The following CHCHD6 variants were observed in gnomAD, a reference collection of about 807,000 sequenced individuals.
CHCHD6 encodes the protein coiled-coil-helix-coiled-coil-helix domain containing 6, also known as MICOS complex subunit MIC25.
In CHCHD6, 28 loss-of-function variants were observed where a neutral mutation model predicts 32.3. The observed-to-expected ratio is 0.87, with a 90% CI of 0.64 to 1.19. The LOEUF (loss-of-function observed/expected upper bound fraction) is 1.19, where lower values mean the gene tolerates loss of function less well. Ranked by LOEUF, CHCHD6 falls within the 50% of genes most tolerant of loss-of-function variation. The probability of loss-of-function intolerance (pLI) is 0.00; values close to 1 mark genes in which losing one functional copy is unlikely to be tolerated. For synonymous variants in CHCHD6, 122 were observed against 117.5 expected, an observed-to-expected ratio of 1.04 and a Z score of -0.25; for missense variants, 333 against 307.0, an observed-to-expected ratio of 1.08 and a Z score of -0.63.
At chr3:126,950,381 C>T (rs1037011172) in intron 6 of CHCHD6, among the ~76,000 whole-genome samples, 2 of 152,118 alleles carry the variant, frequency 1.3e-5, no homozygotes, top group African/African-American at 4.8e-5. Context: ...GAAAGCCGAG[C>T]ACTAGAATGT....
intron 4 of CHCHD6, among the ~76,000 whole-genome samples, chr3:126,842,689 G>A (rs760992298): frequency 3.6e-4 from 54 of 152,052 alleles, no homozygotes; most frequent in Middle Eastern, 3.4e-3. Flanking sequence ...TTTTTTAAAC[G>A]TAGAACTTTT....
intron 5 of CHCHD6, chr3:126,865,708 T>C: frequency 1.0e-6 from 1 of 985,386 alleles, no homozygotes; most frequent in Non-Finnish European, 1.2e-6. Context: ...TATTACCCTC[T>C]TCCCTGAGTC....
intron 2 of CHCHD6, among the ~76,000 whole-genome samples, chr3:126,727,742 G>T (rs1935602386): frequency 6.6e-6 from 1 of 152,154 alleles, no homozygotes; most frequent in African/African-American, 2.4e-5. Context: ...GCTCAAGCCG[G>T]GCTCAAAGCT....
At chr3:126,754,881 A>G (rs1936888230) in intron 4 of CHCHD6, among the ~76,000 whole-genome samples, 1 of 152,196 alleles carries the variant, frequency 6.6e-6, no homozygotes. Flanking sequence ...TCTCCAGGCT[A>G]AGAAGCTGAT....
rs1488907920 is a variant in CHCHD6, at chr3:126,848,131, CAACT to C, written c.412-4511_412-4508del. Among the ~76,000 whole-genome samples, 14 of 152,280 alleles carry C rather than the reference CAACT, an allele frequency of 9.2e-5. No homozygotes were observed. In the East Asian group the frequency reaches 2.3e-3, roughly 25 times the overall value. The stretch of plus-strand genomic sequence containing the variant: ...AGTAGCGGGCATGTGCCACCATAGC[CAACT>C]AACTTTTTATTTTTATTTTTTGTGA... On this transcript the variant is annotated intron_variant, in intron 4 of 7. Transcript: ENST00000290913.
At chr3:126,832,484 GA>G (rs1239912903) in intron 4 of CHCHD6, among the ~76,000 whole-genome samples, 4 of 152,094 alleles carry the variant, frequency 2.6e-5, no homozygotes, top group Non-Finnish European at 4.4e-5. Flanking sequence ...AATATTTGTG[GA>G]ATAGATGATG....
chr3:126,791,405 T>C (rs1938533987), intron 4 of CHCHD6, among the ~76,000 whole-genome samples: 1 of 152,258 alleles, frequency 6.6e-6, no homozygotes, highest in African/African-American at 2.4e-5. Context: ...TGTTCGGCTA[T>C]GCCCTGCCCC....
chr3:126,727,140 T>G lies in CHCHD6; in HGVS notation c.150T>G (p.Ser50=), dbSNP rs745847396. The part of the protein sequence containing the change: ...EPSSPPPAPT[S]STFGLQDGNL... ...GCTCTCCACCCCCTGCTCCCACATC[T>G]TCTACCTTTGGCCTTCAAGATGGCA... Residue 50 remains serine, a synonymous_variant, in exon 2 of 8, where the codon TCT becomes TCG. Transcript: ENST00000290913. The G allele has an allele frequency of 2.9e-5, 47 of 1,613,996 alleles. No homozygotes were observed. Among genetic ancestry groups the G allele is most frequent in the Non-Finnish European group, 3.6e-5 (42 of 1,179,976 alleles).
intron 6 of CHCHD6, among the ~76,000 whole-genome samples, chr3:126,932,499 CTTT>C (rs931244009): frequency 6.6e-6 from 1 of 152,188 alleles, no homozygotes; most frequent in African/African-American, 2.4e-5. Flanking sequence ...AGATCTGTTA[CTTT>C]TTCCTCTGGT....
intron 5 of CHCHD6, among the ~76,000 whole-genome samples, chr3:126,857,535 G>A (rs1941704203): frequency 6.6e-6 from 1 of 152,134 alleles, no homozygotes; most frequent in Non-Finnish European, 1.5e-5. Context: ...GAGCCCTGCT[G>A]TTTTCTCACT....
At chr3:126,913,715 G>A (rs1178611012) in intron 5 of CHCHD6, among the ~76,000 whole-genome samples, 2 of 152,190 alleles carry the variant, frequency 1.3e-5, no homozygotes, top group African/African-American at 4.8e-5. Flanking sequence ...GTCCACATGT[G>A]GGCTTCACCA....
At chr3:126,750,323 C>T (rs1480466746) in intron 4 of CHCHD6, among the ~76,000 whole-genome samples, 2 of 152,172 alleles carry the variant, frequency 1.3e-5, no homozygotes, top group African/African-American at 4.8e-5. Context: ...TCAGGGCTTC[C>T]ACTGAGACCC....
intron 4 of CHCHD6, among the ~76,000 whole-genome samples, chr3:126,815,284 C>T (rs1432939733): frequency 1.3e-5 from 2 of 152,188 alleles, no homozygotes; most frequent in Non-Finnish European, 2.9e-5. Context: ...GGGACTTAAC[C>T]CCAGTGGATG....
intron 6 of CHCHD6, among the ~76,000 whole-genome samples, chr3:126,932,457 A>G (rs564198592): frequency 2.0e-5 from 3 of 152,326 alleles, no homozygotes; most frequent in South Asian, 2.1e-4. Flanking sequence ...GAAAGCCTCT[A>G]AATCCATCCT....
chr3:126,959,351 A>C lies in CHCHD6; in HGVS notation c.703-845A>C, dbSNP rs531489119. 1.1e-4 allele frequency among the ~76,000 whole-genome samples: 16 copies of C among 152,302 alleles called. No homozygotes were observed. The East Asian group carries it at 3.1e-3, about 29-fold the overall frequency. ...CGTGCTGCCTTGGCAGTGTGTGTGC[A>C]TTTGGAGACGGCATATTCAACCTGA... On this transcript the variant is annotated intron_variant, in intron 7 of 7. Transcript: ENST00000290913.
intron 4 of CHCHD6, among the ~76,000 whole-genome samples, chr3:126,818,373 G>A (rs946080308): frequency 1.1e-4 from 16 of 152,162 alleles, no homozygotes; most frequent in Admixed American, 3.3e-4. Context: ...AGTTGTGAGC[G>A]TTCCACCCAG....
In CHCHD6 at chr3:126,925,162, G is replaced by A. The variant is rs140629351; in HGVS notation, c.566+10412G>A. ...GCTCCTCATTCTGTCCTGTCACCAC[G>A]AATAATCAAGTGCTGGGTGCCTGGC... On this transcript the variant is annotated intron_variant, in intron 6 of 7. Transcript: ENST00000290913. 2.4e-4 allele frequency among the ~76,000 whole-genome samples: 36 copies of A among 152,306 alleles called. No homozygotes were observed. In the East Asian group the frequency reaches 5.6e-3, roughly 24 times the overall value.
At chr3:126,825,469 CT>C (rs1386544550) in intron 4 of CHCHD6, among the ~76,000 whole-genome samples, 3 of 152,126 alleles carry the variant, frequency 2.0e-5, no homozygotes, top group Middle Eastern at 3.4e-3. Flanking sequence ...CTTTTTCTTA[CT>C]TTTTTTGGTC....
chr3:126,955,815 C>T (rs1332101877), intron 6 of CHCHD6, among the ~76,000 whole-genome samples: 2 of 152,038 alleles, frequency 1.3e-5, no homozygotes, highest in Non-Finnish European at 2.9e-5. Flanking sequence ...GGAGCATTGT[C>T]CCGCGTAGTC....
Sources: allele counts gnomAD v4.1 joint callset (sites outside exome capture counted in the v4.1 genomes callset), GRCh38; gene constraint gnomAD v4.1.1; transcripts MANE v1.5; gene names NCBI Gene and HGNC (gene_info 2026-07-23, HGNC 2026-07-21).